FAM168B: variants seen among roughly 807,000 people sequenced by gnomAD.
FAM168B encodes the protein myelin-associated neurite-outgrowth inhibitor.
In FAM168B, 19 loss-of-function variants were observed where a neutral mutation model predicts 21.8. That is an observed-to-expected ratio of 0.87 (90% CI 0.61 to 1.28). The LOEUF (loss-of-function observed/expected upper bound fraction) is 1.28. Ranked by LOEUF, FAM168B falls within the 50% of genes most tolerant of loss-of-function variation. The pLI is 0.00. For missense variants in FAM168B, 233 were observed against 263.1 expected (o/e 0.89, Z 0.79); for synonymous variants, 126 against 104.8 (o/e 1.20, Z -1.24).
chr2:131,058,329 A>G (rs1027326354), intron 3 of FAM168B, among the ~76,000 whole-genome samples: 123 of 152,190 alleles, frequency 8.1e-4, no homozygotes, highest in Admixed American at 9.8e-4. Flanking sequence ...GAAGCCTTCA[A>G]CATCAGCCTT....
At chr2:131,066,771 GAC>G (rs1190967923) in intron 3 of FAM168B, among the ~76,000 whole-genome samples, 1 of 152,160 alleles carries the variant, frequency 6.6e-6, no homozygotes, top group Non-Finnish European at 1.5e-5. Flanking sequence ...CCCAGGGAGT[GAC>G]ACAGTCAGGA....
chr2:131,081,415 G>A (rs528559167), intron 2 of FAM168B, among the ~76,000 whole-genome samples: 2 of 152,288 alleles, frequency 1.3e-5, no homozygotes, highest in Non-Finnish European at 2.9e-5. Flanking sequence ...GCTGTCAGGA[G>A]CCCCAGGAGT....
intron 1 of FAM168B, among the ~76,000 whole-genome samples, chr2:131,089,787 A>C (rs376017018): frequency 1.3e-5 from 2 of 152,048 alleles, no homozygotes; most frequent in South Asian, 4.1e-4. Flanking sequence ...TAATCCCAGC[A>C]CTTTGGGAGG....
intron 3 of FAM168B, 49 bp downstream of exon 3, chr2:131,071,806 C>T: frequency 6.4e-7 from 1 of 1,555,768 alleles, no homozygotes; most frequent in Non-Finnish European, 8.9e-7. Flanking sequence ...ACCCCTTCAC[C>T]TTTCTCTCCC....
At chr2:131,082,145 G>A (rs1693458292) in intron 2 of FAM168B, among the ~76,000 whole-genome samples, 1 of 152,108 alleles carries the variant, frequency 6.6e-6, no homozygotes. Flanking sequence ...TCCCCTTTGT[G>A]GCCCAGGGAT....
rs373570946 is a variant in FAM168B, at chr2:131,048,406, CG to C, written c.*4058del. ...GGAGCACACCACCCTTCTGCAGGCC[CG>C]GGGGGGGGTCCCTACACAGACGCCG... is the stretch of plus-strand genomic sequence containing the variant. On this transcript the variant is annotated 3_prime_UTR_variant, in exon 7 of 7. Transcript: ENST00000389915. 5,475 of 1,211,786 alleles carry C rather than the reference CG, an allele frequency of 4.5e-3. 5 individuals are homozygous for C. Among genetic ancestry groups the C allele is most frequent in the Admixed American group, 9.4e-3 (364 of 38,628 alleles). The allele number at this position is 1,211,786 out of a possible 1,614,324, so 75.1% of individuals were successfully genotyped here.
Position 131,048,841 on chromosome 2 carries a change from C to A in FAM168B, c.*3624G>T, listed in dbSNP as rs1691463097. On this transcript the variant is annotated 3_prime_UTR_variant, in exon 7 of 7. Transcript: ENST00000389915. ...ACGCTGCCACCCACCTCAAGCCACA[C>A]CCCTGCCACCTGCTGCTGCGCCCAA... 2 of 986,320 alleles carry A rather than the reference C, an allele frequency of 2.0e-6. No individual in the cohort carries two copies. Among genetic ancestry groups the A allele is most frequent in the Non-Finnish European group, 2.4e-6 (2 of 830,250 alleles). The allele number at this position is 986,320 out of a possible 1,614,324, so 61.1% of individuals were successfully genotyped here.
At chr2:131,082,448 C>A in intron 2 of FAM168B, 129 bp downstream of exon 2, 1 of 637,092 alleles carries the variant, frequency 1.6e-6, no homozygotes, top group Non-Finnish European at 2.7e-6. Context: ...TGATTTTTCA[C>A]TTCCAGGTAT....
chr2:131,055,570 G>A lies in FAM168B; in HGVS notation c.280C>T (p.Gln94Ter). ...VYPVRSAYPQ[Q>*]SPYAQQGTYY... ...AAGCATACCTGTGCATACGGGCTCT[G>A]CTGGGGGTAGGCACTTCGCACAGGG... Residue 94 changes from glutamine (Q) to a stop codon, truncating the protein, a stop_gained, in exon 4 of 7, where the codon CAG becomes TAG. Coordinates refer to ENST00000389915, the MANE Select transcript of FAM168B (RefSeq NM_001009993.4). LOFTEE classifies it high-confidence loss of function. The A allele has an allele frequency of 1.2e-6, 2 of 1,604,882 alleles. No individual in the cohort carries two copies. The highest frequency in any genetic ancestry group is 1.7e-6 in the Non-Finnish European group (2 of 1,175,334).
At chr2:131,078,221 T>G (rs1418197607) in intron 2 of FAM168B, among the ~76,000 whole-genome samples, 1 of 152,154 alleles carries the variant, frequency 6.6e-6, no homozygotes, top group Non-Finnish European at 1.5e-5. Flanking sequence ...ATCCAGAGAC[T>G]GCAGTTAGCA....
rs1296995679 is a variant in FAM168B, at chr2:131,052,048, C to T, written c.*417G>A. ...TAACTGTAAGACTTTGCATACATTA[C>T]AACAGTGCATTAGTGATACAAGTTG... is the stretch of plus-strand genomic sequence containing the variant. On this transcript the variant is annotated 3_prime_UTR_variant, in exon 7 of 7. Coordinates refer to ENST00000389915, the MANE Select transcript of FAM168B (RefSeq NM_001009993.4). The T allele has an allele frequency of 2.0e-6, 2 of 985,650 alleles. No individual in the cohort carries two copies. The highest frequency in any genetic ancestry group is 3.5e-5 in the African/African-American group (2 of 57,244). 61.1% of individuals were successfully genotyped at this position (985,650 alleles called of 1,614,324 possible).
chr2:131,066,247 C>G (rs1558961960), intron 3 of FAM168B, among the ~76,000 whole-genome samples: 1 of 151,374 alleles, frequency 6.6e-6, no homozygotes, highest in Non-Finnish European at 1.5e-5. Context: ...TCTCGACTCA[C>G]TCACTGCAAG....
At chr2:131,086,144 G>C (rs1693687710) in intron 1 of FAM168B, among the ~76,000 whole-genome samples, 1 of 152,100 alleles carries the variant, frequency 6.6e-6, no homozygotes, top group Admixed American at 6.6e-5. Context: ...CCCATGCTTG[G>C]CGGATCTGCA....
rs1273026920 is a variant in FAM168B at position 131,048,948 on chromosome 2, G to A, written c.*3517C>T. The A allele has an allele frequency of 3.0e-6, 3 of 985,724 alleles. No homozygotes were observed. Among genetic ancestry groups the A allele is most frequent in the African/African-American group, 3.5e-5 (2 of 57,234 alleles). The allele number at this position is 985,724 out of a possible 1,614,324, so 61.1% of individuals were successfully genotyped here. A position where few individuals can be genotyped will look rare whatever the true frequency, so the allele number is the denominator to read the frequency against. On this transcript the variant is annotated 3_prime_UTR_variant, in exon 7 of 7. Coordinates refer to ENST00000389915, the MANE Select transcript of FAM168B (RefSeq NM_001009993.4). ...CAGTCAGCTGTCGGATAAGGTGAAGGTGGCCCAACTGCTCAGAGTAACACT... is the reference window on the plus strand; with the variant it reads ...CAGTCAGCTGTCGGATAAGGTGAAGATGGCCCAACTGCTCAGAGTAACACT...
At chr2:131,059,843 T>C (rs1452118414) in intron 3 of FAM168B, among the ~76,000 whole-genome samples, 1 of 152,212 alleles carries the variant, frequency 6.6e-6, no homozygotes, top group African/African-American at 2.4e-5. Flanking sequence ...CTTTTAAAGA[T>C]AATATTTAAA....
intron 3 of FAM168B, among the ~76,000 whole-genome samples, chr2:131,064,196 A>T (rs1473319655): frequency 6.6e-6 from 1 of 152,194 alleles, no homozygotes; most frequent in South Asian, 2.1e-4. Flanking sequence ...TTAGAATGCC[A>T]ACTGTTCGGG....
Position 131,050,742 on chromosome 2 carries a change from C to T in FAM168B, c.*1723G>A. 1.0e-6 allele frequency: 1 copy of T among 985,406 alleles called. No homozygotes were observed. The highest frequency in any genetic ancestry group is 1.2e-6 in the Non-Finnish European group (1 of 829,920). The allele number at this position is 985,406 out of a possible 1,614,324, so 61.0% of individuals were successfully genotyped here. On this transcript the variant is annotated 3_prime_UTR_variant, in exon 7 of 7. Coordinates refer to ENST00000389915, the MANE Select transcript of FAM168B (RefSeq NM_001009993.4). ...GTGTCCCCCCACCAACCAACTGGGG[C>T]AGAATGCTAGTGGGCATCCTCACTG...
At chr2:131,069,256 TG>T (rs371166170) in intron 3 of FAM168B, among the ~76,000 whole-genome samples, 17 of 152,350 alleles carry the variant, frequency 1.1e-4, no homozygotes, top group African/African-American at 3.8e-4. Flanking sequence ...TGAGTAAAAG[TG>T]GGCTACCTCT....
chr2:131,050,478 C>A lies in FAM168B; in HGVS notation c.*1987G>T. ...TGAAGAAAGGGGCACAAACTGTGTG[C>A]CTGCGGTAAATGTCTGCCCCCACAC... On this transcript the variant is annotated 3_prime_UTR_variant, in exon 7 of 7. Transcript: ENST00000389915. 1 of 985,776 alleles carries A rather than the reference C, an allele frequency of 1.0e-6. No homozygotes were observed. Among genetic ancestry groups the A allele is most frequent in the East Asian group, 1.1e-4 (1 of 8,814 alleles). The allele number at this position is 985,776 out of a possible 1,614,324, so 61.1% of individuals were successfully genotyped here. A position where few individuals can be genotyped will look rare whatever the true frequency, so the allele number is the denominator to read the frequency against.
Sources: gnomAD v4.1 joint callset for allele counts (sites outside exome capture counted in the v4.1 genomes callset) on GRCh38, gnomAD v4.1.1 for gene constraint, MANE v1.5 for transcripts, NCBI Gene and HGNC (gene_info 2026-07-23, HGNC 2026-07-21) for gene names.